The following SKIL variants were observed in gnomAD, a reference collection of about 807,000 sequenced individuals.
SKIL encodes SKI like proto-oncogene.
Under a neutral mutation model 69.6 loss-of-function variants are expected in SKIL, and 20 were observed. The observed-to-expected ratio is 0.29, with a 90% CI of 0.20 to 0.42. The LOEUF (loss-of-function observed/expected upper bound fraction) is 0.42. Among genes scored for constraint, SKIL ranks in the 10% least tolerant of loss-of-function variants. SKIL has a pLI of 1.00. For synonymous variants in SKIL, 310 were observed against 279.9 expected (o/e 1.11, Z -1.08); for missense variants, 745 against 783.1 (o/e 0.95, Z 0.58).
At position 170,394,444 on chromosome 3, in the gene SKIL, A is replaced by G. The variant is rs1738093706; in HGVS notation, c.*2027A>G. 1 of 152,070 alleles carries G rather than the reference A, an allele frequency of 6.6e-6. No individual in the cohort carries two copies. The allele number at this position is 152,070 out of a possible 1,614,324, so 9.4% of individuals were successfully genotyped here. On this transcript the variant is annotated 3_prime_UTR_variant, in exon 7 of 7. Coordinates refer to ENST00000259119, the MANE Select transcript of SKIL (RefSeq NM_005414.5). ...AGCTTTTTGGAAGACAAACTCAAAC[A>G]CCTATAATTTCATTTATATTTCTAA...
At chr3:170,378,555 T>C (rs867321188) in intron 2 of SKIL, among the ~76,000 whole-genome samples, 3 of 134,958 alleles carry the variant, frequency 2.2e-5, no homozygotes, top group Admixed American at 7.4e-5. Flanking sequence ...CTCTCTCTCT[T>C]TTTTTTTTTT....
intron 2 of SKIL, among the ~76,000 whole-genome samples, chr3:170,366,727 A>T (rs1018974154): frequency 2.7e-5 from 4 of 150,878 alleles, no homozygotes; most frequent in African/African-American, 4.9e-5. Flanking sequence ...ACTTGATTTT[A>T]GATCTGCCTA....
chr3:170,372,923 A>G (rs1049273920), intron 2 of SKIL, among the ~76,000 whole-genome samples: 1 of 152,138 alleles, frequency 6.6e-6, no homozygotes, highest in African/African-American at 2.4e-5. Context: ...TATGAACACA[A>G]ATTTAAAAAT....
At chr3:170,362,580 C>G (rs1399685282) in intron 2 of SKIL, among the ~76,000 whole-genome samples, 2 of 146,960 alleles carry the variant, frequency 1.4e-5, no homozygotes, top group African/African-American at 5.0e-5. Flanking sequence ...TTTGGGAGGC[C>G]CAGGTGGGCA....
At chr3:170,386,176 G>A (rs1311544388) in intron 4 of SKIL, among the ~76,000 whole-genome samples, 2 of 151,672 alleles carry the variant, frequency 1.3e-5, no homozygotes, top group African/African-American at 4.8e-5. Flanking sequence ...TGTTGCCCAG[G>A]CTAGAGTGCA....
rs957268954 is a variant in SKIL, at chr3:170,359,700, T to C, written c.-632T>C. On this transcript the variant is annotated splice_region_variant and 5_prime_UTR_variant, in exon 2 of 7. Transcript: ENST00000259119. ...CCAACCCCCCTTCTCTTCTTCCAGA[T>C]TAATTAAAAGAAGAATGAACTATAA... The C allele has an allele frequency of 6.6e-6, 1 of 152,220 alleles. No homozygotes were observed. The highest frequency in any genetic ancestry group is 2.4e-5 in the African/African-American group (1 of 41,450). 9.4% of individuals were successfully genotyped at this position (152,220 alleles called of 1,614,324 possible). A position where few individuals can be genotyped will look rare whatever the true frequency, so the allele number is the denominator to read the frequency against.
At chr3:170,365,135 T>C (rs1736435870) in intron 2 of SKIL, among the ~76,000 whole-genome samples, 1 of 152,196 alleles carries the variant, frequency 6.6e-6, no homozygotes, top group South Asian at 2.1e-4. Flanking sequence ...AGTACACTTA[T>C]TTTTTAGGGT....
intron 2 of SKIL, among the ~76,000 whole-genome samples, chr3:170,362,729 C>T (rs1046532698): frequency 2.0e-5 from 3 of 151,412 alleles, no homozygotes; most frequent in Non-Finnish European, 2.9e-5. Context: ...CCAGGAGAAT[C>T]GCTTGAACCT....
intron 2 of SKIL, among the ~76,000 whole-genome samples, chr3:170,380,237 C>T (rs1737264234): frequency 6.6e-6 from 1 of 152,174 alleles, no homozygotes; most frequent in Non-Finnish European, 1.5e-5. Flanking sequence ...AGAATGGTAT[C>T]TAGCTAATAT....
At chr3:170,359,402 CCTGA>C (rs1165845051) in intron 1 of SKIL, among the ~76,000 whole-genome samples, 2 of 152,024 alleles carry the variant, frequency 1.3e-5, no homozygotes, top group African/African-American at 2.4e-5. Flanking sequence ...TCAAGACCAG[CCTGA>C]CTAATATGGT....
chr3:170,367,358 A>G (rs1050396735), intron 2 of SKIL, among the ~76,000 whole-genome samples: 1 of 151,900 alleles, frequency 6.6e-6, no homozygotes, highest in Non-Finnish European at 1.5e-5. Flanking sequence ...CATCCTCCCA[A>G]AGTGCTAGGA....
intron 2 of SKIL, among the ~76,000 whole-genome samples, chr3:170,375,402 A>G (rs1407651838): frequency 6.6e-6 from 1 of 152,260 alleles, no homozygotes; most frequent in Non-Finnish European, 1.5e-5. Context: ...ACTTACTCTT[A>G]TAAATCAAAC....
chr3:170,361,042 A>G lies in SKIL; in HGVS notation c.711A>G (p.Arg237=), dbSNP rs1218554372. ...TATGTAATGCTTTATTGCGGCCACG[A>G]ACTTTTCCTCAAAATGGTAGCGTAC... The part of the protein sequence containing the change: ...QRLCNALLRP[R]TFPQNGSVLP... The change falls in exon 2 of 7, where the codon CGA becomes CGG. Residue 237 remains arginine (R), a synonymous_variant. Transcript: ENST00000259119. 3 of 1,614,130 alleles carry G rather than the reference A, an allele frequency of 1.9e-6. No individual in the cohort carries two copies. The highest frequency in any genetic ancestry group is 4.5e-5 in the East Asian group (2 of 44,906).
Position 170,360,340 on chromosome 3 carries a change from C to T in SKIL, c.9C>T (p.Asn3=), listed in dbSNP as rs763116683. ...TAACAGAAGAGTGTACCATGGAAAA[C>T]CTCCAGACAAATTTCTCCTTGGTTC... The part of the protein sequence containing the change: ME[N]LQTNFSLVQG... The change falls in exon 2 of 7, where the codon AAC becomes AAT. Residue 3 remains asparagine, a synonymous_variant. Coordinates refer to ENST00000259119, the MANE Select transcript of SKIL (RefSeq NM_005414.5). 9.8e-5 allele frequency: 153 copies of T among 1,555,546 alleles called. No homozygotes were observed. The highest frequency in any genetic ancestry group is 1.3e-4 in the Non-Finnish European group (148 of 1,155,640).
intron 2 of SKIL, among the ~76,000 whole-genome samples, chr3:170,363,209 C>T (rs1252186023): frequency 6.6e-6 from 1 of 152,108 alleles, no homozygotes; most frequent in African/African-American, 2.4e-5. Context: ...ATGAATAAAG[C>T]ATATTAAATG....
rs754003038 is a variant in SKIL, at chr3:170,360,851, G to C, written c.520G>C (p.Val174Leu). 8 of 1,614,006 alleles carry C rather than the reference G, an allele frequency of 5.0e-6. No individual in the cohort carries two copies. ...CTGTTTGCCCCAAGTCTTAAATTCTGTTCTCCGAGAATTTACACTCCAGCA... is the reference window on the plus strand; with the variant it reads ...CTGTTTGCCCCAAGTCTTAAATTCTCTTCTCCGAGAATTTACACTCCAGCA... Reference protein sequence around the residue: ...RLCLPQVLNSVLREFTLQQIN... With the variant: ...RLCLPQVLNSLLREFTLQQIN... Residue 174 changes from valine (V) to leucine (L), a missense_variant, in exon 2 of 7, where the codon GTT (valine) becomes CTT (leucine). Coordinates refer to ENST00000259119, the MANE Select transcript of SKIL (RefSeq NM_005414.5).
At chr3:170,389,463 G>A (rs552067420) in intron 4 of SKIL, among the ~76,000 whole-genome samples, 7 of 151,934 alleles carry the variant, frequency 4.6e-5, no homozygotes, top group Admixed American at 2.0e-4. Context: ...ACAGGCGCCC[G>A]CCACCAAGCC....
rs1560215352 is a variant in SKIL, at chr3:170,378,885, T to TTTATTTA, written c.1099-2357_1099-2356insATTTATT. Reference sequence around the variant, plus strand: ...TATTTATTTATTTATTTATTTATTTTTTTTATCTTGAGATGGATTCTGGCT... The same window carrying TTTATTTA: ...TATTTATTTATTTATTTATTTATTTTTTATTTATTTTATCTTGAGATGGATTCTGGCT... On this transcript the variant is annotated intron_variant, in intron 2 of 6. Transcript: ENST00000259119. 7.6e-5 allele frequency among the ~76,000 whole-genome samples: 11 copies of TTTATTTA among 145,166 alleles called. 1 individual carries two copies. Among genetic ancestry groups the TTTATTTA allele is most frequent in the Admixed American group, 2.0e-4 (3 of 14,912 alleles).
chr3:170,390,135 T>G, intron 4 of SKIL, 88 bp from the exon 5 acceptor site: 1 of 937,388 alleles, frequency 1.1e-6, no homozygotes, highest in Non-Finnish European at 1.6e-6. Context: ...AAATGAAATG[T>G]TTTAAAAATT....
Sources: allele counts gnomAD v4.1 joint callset (sites outside exome capture counted in the v4.1 genomes callset), GRCh38; gene constraint gnomAD v4.1.1; transcripts MANE v1.5; gene names NCBI Gene and HGNC (gene_info 2026-07-23, HGNC 2026-07-21).